SLC2A14: variants seen among roughly 807,000 people sequenced by gnomAD.
SLC2A14 encodes solute carrier family 2 member 14.
A neutral mutation model predicts 43.0 loss-of-function variants in SLC2A14; 13 were observed. The observed-to-expected ratio is 0.30, with a 90% CI of 0.20 to 0.48. The LOEUF (loss-of-function observed/expected upper bound fraction) is 0.48, where lower values mean the gene tolerates loss of function less well. Ranked by LOEUF, SLC2A14 falls within the 20% of genes least tolerant of loss-of-function variation. The pLI is 0.99. For synonymous variants in SLC2A14, 190 were observed against 233.8 expected (o/e 0.81, Z 1.71); for missense variants, 428 against 620.4 (o/e 0.69, Z 3.29).
chr12:7,873,201 C>T (rs1188556020), upstream of SLC2A14: 2 of 985,390 alleles, frequency 2.0e-6, no homozygotes, highest in Non-Finnish European at 2.4e-6. Context: ...GGACCCACCA[C>T]CCTTGGCGCC....
intron 1 of SLC2A14, among the ~76,000 whole-genome samples, chr12:7,888,124 T>G (rs2121127338): frequency 6.6e-6 from 1 of 152,202 alleles, no homozygotes; most frequent in Non-Finnish European, 1.5e-5. Flanking sequence ...TCTACCTAGC[T>G]TTAACATTAC....
intron 2 of SLC2A14, among the ~76,000 whole-genome samples, chr12:7,866,566 A>G (rs760799847): frequency 4.6e-5 from 7 of 152,128 alleles, no homozygotes; most frequent in South Asian, 2.1e-4. Flanking sequence ...GGGTTTCACT[A>G]TGTTGGCCAG....
At chr12:7,859,984 C>A (rs1944456378) in intron 2 of SLC2A14, among the ~76,000 whole-genome samples, 1 of 152,116 alleles carries the variant, frequency 6.6e-6, no homozygotes, top group Admixed American at 6.6e-5. Context: ...GATGCTATTA[C>A]CAACCAAAGA....
At chr12:7,879,221 C>T (rs1945521473) in intron 1 of SLC2A14, among the ~76,000 whole-genome samples, 1 of 150,944 alleles carries the variant, frequency 6.6e-6, no homozygotes, top group Non-Finnish European at 1.5e-5. Context: ...AAATGCAGTA[C>T]TCATTATTAT....
intron 5 of SLC2A14, 96 bp from the exon 6 acceptor site, chr12:7,828,962 C>T: frequency 1.4e-6 from 2 of 1,453,928 alleles, no homozygotes; most frequent in African/African-American, 1.4e-5. Context: ...GTAGCTTACG[C>T]CTGTAATTCC....
At chr12:7,848,031 G>T (rs1330201336) in intron 2 of SLC2A14, among the ~76,000 whole-genome samples, 3 of 152,078 alleles carry the variant, frequency 2.0e-5, no homozygotes, top group African/African-American at 2.4e-5. Flanking sequence ...GGAGGAGAGA[G>T]ACACGGTCAG....
At chr12:7,827,056 T>G (rs1323708625) in intron 7 of SLC2A14, among the ~76,000 whole-genome samples, 3 of 102,830 alleles carry the variant, frequency 2.9e-5, no homozygotes, top group Non-Finnish European at 6.6e-5. Flanking sequence ...TCTCTCTCTC[T>G]CTTTCTTTCT....
chr12:7,862,612 C>T (rs968043915), intron 2 of SLC2A14, among the ~76,000 whole-genome samples: 2 of 152,136 alleles, frequency 1.3e-5, no homozygotes, highest in Admixed American at 6.6e-5. Flanking sequence ...CCTGCAGCAC[C>T]GGTGCGTGAT....
chr12:7,827,962 A>G (rs1374610463), intron 6 of SLC2A14, among the ~76,000 whole-genome samples: 1 of 152,134 alleles, frequency 6.6e-6, no homozygotes, highest in African/African-American at 2.4e-5. Flanking sequence ...ACATGGTGAA[A>G]GCCCATCTCT....
At chr12:7,878,939 T>C (rs1264444158) in intron 1 of SLC2A14, among the ~76,000 whole-genome samples, 1 of 121,464 alleles carries the variant, frequency 8.2e-6, no homozygotes, top group Non-Finnish European at 1.6e-5. Flanking sequence ...ATCCTGCCAC[T>C]GCACTCCAGC....
intron 7 of SLC2A14, among the ~76,000 whole-genome samples, chr12:7,825,593 C>G (rs1402020703): frequency 6.6e-6 from 1 of 151,026 alleles, no homozygotes; most frequent in Non-Finnish European, 1.5e-5. Flanking sequence ...GAAACCCAAT[C>G]TCTACTAAAA....
At chr12:7,826,817 T>TTTTCTTTCTTTC (rs200427727) in intron 7 of SLC2A14, among the ~76,000 whole-genome samples, 2 of 127,704 alleles carry the variant, frequency 1.6e-5, no homozygotes, top group Admixed American at 8.7e-5. Context: ...GCTCGCTCTT[T>TTTTCTTTCTTTC]TTTCTTTCTT....
At chr12:7,882,559 G>A (rs1286982373) in intron 1 of SLC2A14, among the ~76,000 whole-genome samples, 1 of 152,048 alleles carries the variant, frequency 6.6e-6, no homozygotes, top group African/African-American at 2.4e-5. Flanking sequence ...GCTAGCGTCG[G>A]CAGTGGCTCA....
At chr12:7,874,811 C>CATATTTATATATAAATTATATATAAATAT (rs1565584688), upstream of SLC2A14, among the ~76,000 whole-genome samples, 458 of 8,404 alleles carry the variant, frequency 0.054, 22 homozygotes, top group African/African-American at 0.13. Context: ...TATATAAATA[C>CATATTTATATATAAATTATATATAAATAT]GTATTTATAT....
chr12:7,870,038 A>G (rs1325896463), intron 1 of SLC2A14, 101 bp from the exon 2 acceptor site: 1 of 570,472 alleles, frequency 1.8e-6, no homozygotes, highest in Non-Finnish European at 3.0e-6. Flanking sequence ...ACACTCCAAT[A>G]AATACTTCTG....
chr12:7,836,194 T>C (rs1340285522), intron 2 of SLC2A14, among the ~76,000 whole-genome samples: 1 of 151,228 alleles, frequency 6.6e-6, no homozygotes, highest in Non-Finnish European at 1.5e-5. Flanking sequence ...TACTGTCCAA[T>C]ACAAATATAA....
intron 2 of SLC2A14, among the ~76,000 whole-genome samples, chr12:7,848,698 G>A (rs1303120254): frequency 6.6e-6 from 1 of 151,946 alleles, no homozygotes; most frequent in African/African-American, 2.4e-5. Flanking sequence ...TGGGATTACA[G>A]GTGCCCGCCA....
At chr12:7,845,778 CAAAAAAA>C (rs35933580) in intron 2 of SLC2A14, among the ~76,000 whole-genome samples, 2 of 104,144 alleles carry the variant, frequency 1.9e-5, no homozygotes, top group Admixed American at 2.2e-4. Flanking sequence ...GACTCCATCT[CAAAAAAA>C]AAAAAAAAAG....
chr12:7,875,210 T>TATATAATATATAAATATA (rs1255974228), upstream of SLC2A14, among the ~76,000 whole-genome samples: 74 of 82,670 alleles, frequency 9.0e-4, 3 homozygotes, highest in South Asian at 0.024. Context: ...TATATTTATA[T>TATATAATATATAAATATA]TTATATATTT....
Sources: allele counts gnomAD v4.1 joint callset (sites outside exome capture counted in the v4.1 genomes callset), GRCh38; gene constraint gnomAD v4.1.1; transcripts MANE v1.5; gene names NCBI Gene and HGNC (gene_info 2026-07-23, HGNC 2026-07-21).